Variants in DMRT1 observed in about 807,000 individuals in gnomAD.
The protein encoded by DMRT1 is doublesex- and mab-3-related transcription factor 1.
In DMRT1, 7 loss-of-function variants were observed where a neutral mutation model predicts 32.3. The ratio of observed to expected loss-of-function variants is 0.22; its 90% CI spans 0.12 to 0.41. The LOEUF is 0.41. Among genes scored for constraint, DMRT1 ranks in the 10% least tolerant of loss-of-function variants. The probability of loss-of-function intolerance (pLI) is 1.00; values close to 1 mark genes in which losing one functional copy is unlikely to be tolerated. For synonymous variants in DMRT1, 278 were observed against 206.1 expected (o/e 1.35, Z -2.99); for missense variants, 625 against 500.5 (o/e 1.25, Z -2.37).
chr9:861,690 GC>G (rs768425388), intron 2 of DMRT1, among the ~76,000 whole-genome samples: 2 of 151,226 alleles, frequency 1.3e-5, no homozygotes, highest in South Asian at 2.1e-4. Flanking sequence ...GGGCAGAGGG[GC>G]CCCCCACCTC....
chr9:930,917 C>T (rs915299392), intron 4 of DMRT1, among the ~76,000 whole-genome samples: 1 of 152,126 alleles, frequency 6.6e-6, no homozygotes, highest in East Asian at 1.9e-4. Context: ...ATGTATGATT[C>T]ATTGGATTTT....
intron 4 of DMRT1, among the ~76,000 whole-genome samples, chr9:930,649 CTG>C (rs1818691159): frequency 2.0e-5 from 3 of 152,080 alleles, no homozygotes; most frequent in African/African-American, 7.2e-5. Flanking sequence ...ACCTCGTGAT[CTG>C]CCTGCCTCAG....
At chr9:901,750 G>A (rs1586591441) in intron 3 of DMRT1, among the ~76,000 whole-genome samples, 1 of 151,774 alleles carries the variant, frequency 6.6e-6, no homozygotes, top group East Asian at 1.9e-4. Flanking sequence ...GGGAAGTTCT[G>A]GATGGAGAAA....
chr9:924,778 G>A (rs575391661), intron 4 of DMRT1, among the ~76,000 whole-genome samples: 1 of 152,204 alleles, frequency 6.6e-6, no homozygotes, highest in African/African-American at 2.4e-5. Context: ...AAACACACCA[G>A]TGCTTTTCAG....
intron 4 of DMRT1, among the ~76,000 whole-genome samples, chr9:954,782 C>T (rs1368351419): frequency 1.3e-5 from 2 of 152,062 alleles, no homozygotes; most frequent in Non-Finnish European, 2.9e-5. Context: ...GCTGGGATTA[C>T]AGGTGCGTGC....
chr9:962,128 G>T (rs991405766), intron 4 of DMRT1, among the ~76,000 whole-genome samples: 8 of 152,202 alleles, frequency 5.3e-5, no homozygotes, highest in African/African-American at 1.9e-4. Flanking sequence ...GTTTTAGAGT[G>T]ACTTTGACTG....
rs529338012 is a variant in DMRT1, at chr9:853,647, A to G, written c.538+6504A>G. 1.3e-4 allele frequency among the ~76,000 whole-genome samples: 20 copies of G among 151,570 alleles called. No homozygotes were observed. In the East Asian group the frequency reaches 3.9e-3, roughly 30 times the overall value. On this transcript the variant is annotated intron_variant, in intron 2 of 4. Transcript: ENST00000382276. ...ACCACCAAACCTGGCTAATTTTTGT[A>G]TTTTAAATTAGCCACTCCCACTAAT...
At chr9:871,792 T>C (rs1254711115) in intron 2 of DMRT1, among the ~76,000 whole-genome samples, 1 of 151,198 alleles carries the variant, frequency 6.6e-6, no homozygotes, top group Non-Finnish European at 1.5e-5. Context: ...CTTTGAACTC[T>C]TAAAGCTGCA....
chr9:854,958 G>A (rs933974738), intron 2 of DMRT1, among the ~76,000 whole-genome samples: 3 of 150,172 alleles, frequency 2.0e-5, no homozygotes, highest in South Asian at 2.1e-4. Flanking sequence ...TAGTAGAGAC[G>A]GGGTTTCACC....
chr9:953,735 T>TA (rs1345956403), intron 4 of DMRT1, among the ~76,000 whole-genome samples: 1 of 152,236 alleles, frequency 6.6e-6, no homozygotes, highest in East Asian at 1.9e-4. Flanking sequence ...CATGCATACT[T>TA]ACCTAGTGTG....
rs1267318566 is a variant in DMRT1, at chr9:916,831, C to T, written c.891C>T (p.Pro297=). The change falls in exon 4 of 5, where the codon CCC becomes CCT. Residue 297 remains proline, a synonymous_variant. Coordinates refer to ENST00000382276, the MANE Select transcript of DMRT1 (RefSeq NM_021951.3). ...QYRMHSYYPP[P]SYLGQSVPQF... ...GGATGCATTCTTACTACCCGCCTCC[C>T]TCTTACCTGGGCCAGAGCGTGCCCC... The T allele has an allele frequency of 1.9e-6, 3 of 1,614,222 alleles. No homozygotes were observed. The highest frequency in any genetic ancestry group is 2.5e-6 in the Non-Finnish European group (3 of 1,180,034).
At chr9:863,802 G>T (rs1301072251) in intron 2 of DMRT1, among the ~76,000 whole-genome samples, 1 of 152,222 alleles carries the variant, frequency 6.6e-6, no homozygotes, top group East Asian at 1.9e-4. Flanking sequence ...TCCCTTGTTA[G>T]TGGGGTTGAA....
intron 2 of DMRT1, among the ~76,000 whole-genome samples, chr9:851,972 C>G (rs1439619642): frequency 6.8e-6 from 1 of 148,024 alleles, no homozygotes; most frequent in Non-Finnish European, 1.5e-5. Flanking sequence ...GACAGTCTCA[C>G]TCTGTCGCTT....
chr9:861,633 GGC>G (rs1815682089), intron 2 of DMRT1, among the ~76,000 whole-genome samples: 1 of 151,752 alleles, frequency 6.6e-6, no homozygotes, highest in Non-Finnish European at 1.5e-5. Flanking sequence ...TCCCAGAAGG[GGC>G]AGCGGCCGGG....
chr9:845,926 C>T (rs1260344641), intron 1 of DMRT1, among the ~76,000 whole-genome samples: 1 of 152,102 alleles, frequency 6.6e-6, no homozygotes, highest in Non-Finnish European at 1.5e-5. Context: ...ATTTCTCTCT[C>T]TGACTTTCTT....
At chr9:905,488 C>CTGTGTGTGTGTGTGTGTGTGTG (rs57056050) in intron 3 of DMRT1, among the ~76,000 whole-genome samples, 4 of 147,724 alleles carry the variant, frequency 2.7e-5, no homozygotes, top group African/African-American at 1.0e-4. Context: ...GTGTGTGTGT[C>CTGTGTGTGTGTGTGTGTGTGTG]TGTGTGTGTG....
intron 2 of DMRT1, among the ~76,000 whole-genome samples, chr9:852,423 T>C (rs1388020548): frequency 2.0e-5 from 3 of 152,008 alleles, no homozygotes; most frequent in African/African-American, 7.2e-5. Flanking sequence ...CGAAAGTTAT[T>C]AGCTGACTTA....
At chr9:877,609 A>G (rs555235905) in intron 2 of DMRT1, among the ~76,000 whole-genome samples, 3 of 152,352 alleles carry the variant, frequency 2.0e-5, no homozygotes, top group African/African-American at 7.2e-5. Flanking sequence ...TCCTCCTCCC[A>G]TTCCAAAAAA....
intron 2 of DMRT1, among the ~76,000 whole-genome samples, chr9:864,203 CT>C (rs80192716): frequency 6.8e-5 from 3 of 43,898 alleles, no homozygotes; most frequent in African/African-American, 2.1e-4. Context: ...TCTTCTTCTT[CT>C]TTTTTTTCTT....
Sources: gnomAD v4.1 joint callset for allele counts (sites outside exome capture counted in the v4.1 genomes callset) on GRCh38, gnomAD v4.1.1 for gene constraint, MANE v1.5 for transcripts, NCBI Gene and HGNC (gene_info 2026-07-23, HGNC 2026-07-21) for gene names.